EYS: variants seen among roughly 807,000 people sequenced by gnomAD.
The protein encoded by EYS is EGF-like photoreceptor maintenance factor, also known as protein eyes shut homolog.
EYS carries 250 observed loss-of-function variants against 282.1 expected under a neutral mutation model. The observed-to-expected ratio is 0.89, with a 90% CI of 0.80 to 0.98. EYS has a LOEUF of 0.98. Ranked by LOEUF, EYS falls within the 50% of genes least tolerant of loss-of-function variation. The pLI is 0.00. For missense variants in EYS, 4,016 were observed against 3,709.0 expected (o/e 1.08, Z -2.15); for synonymous variants, 1,355 against 1,282.9 (o/e 1.06, Z -1.20).
chr6:64,991,299 A>T (rs1436322432), intron 14 of EYS, among the ~76,000 whole-genome samples: 3 of 151,636 alleles, frequency 2.0e-5, no homozygotes, highest in Non-Finnish European at 4.4e-5. Context: ...GCTGTTTAAA[A>T]TGGGCATGAC....
intron 15 of EYS, among the ~76,000 whole-genome samples, chr6:64,935,656 A>G (rs1011670522): frequency 6.6e-6 from 1 of 151,754 alleles, no homozygotes; most frequent in Non-Finnish European, 1.5e-5. Flanking sequence ...AAAACAAAAA[A>G]GGATTCAAAG....
chr6:64,644,120 CA>C (rs1474743369), intron 22 of EYS, among the ~76,000 whole-genome samples: 7 of 152,030 alleles, frequency 4.6e-5, no homozygotes, highest in Non-Finnish European at 1.0e-4. Flanking sequence ...TGAAGGTTAC[CA>C]GCTGCAATTT....
chr6:65,078,340 T>G (rs1244002004), intron 12 of EYS, among the ~76,000 whole-genome samples: 1 of 152,166 alleles, frequency 6.6e-6, no homozygotes. Flanking sequence ...ATTTATTTGT[T>G]AAACTATTTT....
At chr6:65,150,220 C>T (rs1265813787) in intron 12 of EYS, among the ~76,000 whole-genome samples, 1 of 151,940 alleles carries the variant, frequency 6.6e-6, no homozygotes, top group Non-Finnish European at 1.5e-5. Flanking sequence ...GGTATTATTT[C>T]TTTTTATATT....
chr6:64,260,969 G>T (rs147593623), intron 30 of EYS, among the ~76,000 whole-genome samples: 273 of 141,212 alleles, frequency 1.9e-3, no homozygotes, highest in African/African-American at 6.6e-3. Context: ...AATGCGTAAT[G>T]ATGAAATCAG....
At chr6:65,577,866 A>T (rs1023874905) in intron 2 of EYS, among the ~76,000 whole-genome samples, 2 of 151,924 alleles carry the variant, frequency 1.3e-5, no homozygotes, top group African/African-American at 4.8e-5. Context: ...GAGAAATGTA[A>T]ATCAATCCAC....
intron 12 of EYS, among the ~76,000 whole-genome samples, chr6:65,249,471 A>T (rs1246246089): frequency 1.3e-5 from 2 of 152,002 alleles, no homozygotes; most frequent in Admixed American, 6.6e-5. Context: ...ACAACCCTAA[A>T]GAGTTAGAAT....
intron 26 of EYS, among the ~76,000 whole-genome samples, chr6:64,568,182 T>C (rs1451602593): frequency 6.6e-6 from 1 of 152,104 alleles, no homozygotes; most frequent in African/African-American, 2.4e-5. Flanking sequence ...GAGGAAACTA[T>C]GGGGTTTGGA....
intron 26 of EYS, among the ~76,000 whole-genome samples, chr6:64,494,553 G>A (rs1157862165): frequency 6.6e-6 from 1 of 151,196 alleles, no homozygotes; most frequent in Non-Finnish European, 1.5e-5. Flanking sequence ...CAAATAAACT[G>A]TTATTAGTTC....
intron 14 of EYS, among the ~76,000 whole-genome samples, chr6:64,961,978 C>T (rs577298678): frequency 2.6e-5 from 4 of 152,222 alleles, no homozygotes; most frequent in Admixed American, 1.3e-4. Context: ...CCAGAGTTTT[C>T]ATTCTTCAAC....
intron 12 of EYS, among the ~76,000 whole-genome samples, chr6:65,184,127 C>T (rs879591337): frequency 4.6e-5 from 7 of 151,776 alleles, no homozygotes; most frequent in Non-Finnish European, 8.8e-5. Flanking sequence ...AAAGTAAAGT[C>T]GCATAAAACA....
intron 12 of EYS, among the ~76,000 whole-genome samples, chr6:65,240,213 C>G (rs1010726036): frequency 5.9e-5 from 9 of 152,072 alleles, no homozygotes; most frequent in African/African-American, 1.9e-4. Context: ...TGTGATCCAC[C>G]CGTCTTGGCC....
In EYS at chr6:65,295,981, A is replaced by G. The variant is rs2150286298; in HGVS notation, c.1905T>C (p.Tyr635=). Reference sequence around the variant, plus strand: ...TATCTATCTCACAGATGTTCCTTTCATATCTTTGCAGACCGCTACAGTTAC... The same window carrying G: ...TATCTATCTCACAGATGTTCCTTTCGTATCTTTGCAGACCGCTACAGTTAC... The part of the protein sequence containing the change: ...HNCNCSGLQR[Y]ERNICEIDTE... Residue 635 remains tyrosine, a synonymous_variant, in exon 12 of 43, where the codon TAT becomes TAC. Coordinates refer to ENST00000503581, the MANE Select transcript of EYS (RefSeq NM_001142800.2). The G allele has an allele frequency of 2.6e-6, 4 of 1,551,232 alleles. No homozygotes were observed. Among genetic ancestry groups the G allele is most frequent in the Non-Finnish European group, 3.5e-6 (4 of 1,146,564 alleles).
intron 12 of EYS, among the ~76,000 whole-genome samples, chr6:65,137,841 T>C (rs993128843): frequency 6.6e-6 from 1 of 152,126 alleles, no homozygotes; most frequent in Non-Finnish European, 1.5e-5. Context: ...ATCTCAATTA[T>C]ATTTATGATA....
At chr6:65,520,217 T>C (rs181129767) in intron 2 of EYS, among the ~76,000 whole-genome samples, 93 of 152,240 alleles carry the variant, frequency 6.1e-4, no homozygotes, top group Admixed American at 4.1e-3. Flanking sequence ...ATGGGGCCAA[T>C]ACTTCTGAAT....
intron 30 of EYS, among the ~76,000 whole-genome samples, chr6:64,283,713 G>C (rs906904273): frequency 6.6e-6 from 1 of 152,144 alleles, no homozygotes; most frequent in Non-Finnish European, 1.5e-5. Context: ...ACTGGGAAGA[G>C]AAGGAGGTTT....
At chr6:64,829,212 A>G (rs118106354) in intron 19 of EYS, among the ~76,000 whole-genome samples, 6,202 of 152,100 alleles carry the variant, frequency 0.041, 165 homozygotes, top group East Asian at 0.1. Flanking sequence ...GAGGCATTAA[A>G]TAGCCATAAA....
intron 12 of EYS, among the ~76,000 whole-genome samples, chr6:65,116,708 A>G (rs952756769): frequency 3.3e-5 from 5 of 152,146 alleles, no homozygotes; most frequent in African/African-American, 1.2e-4. Context: ...CAAAACAACA[A>G]CAAAAAAACA....
At chr6:65,047,914 C>T (rs1773149600) in intron 13 of EYS, among the ~76,000 whole-genome samples, 1 of 151,844 alleles carries the variant, frequency 6.6e-6, no homozygotes, top group South Asian at 2.1e-4. Context: ...ATAACCTGAT[C>T]AGTGGAGGGG....
Sources: gnomAD v4.1 joint callset for allele counts (sites outside exome capture counted in the v4.1 genomes callset) on GRCh38, gnomAD v4.1.1 for gene constraint, MANE v1.5 for transcripts, NCBI Gene and HGNC (gene_info 2026-07-23, HGNC 2026-07-21) for gene names.